Variants in ALK observed in about 807,000 individuals in gnomAD.
ALK encodes the protein ALK receptor tyrosine kinase.
Under a neutral mutation model 163.1 loss-of-function variants are expected in ALK, and 74 were observed. The ratio of observed to expected loss-of-function variants is 0.45; its 90% CI spans 0.38 to 0.55. The LOEUF (loss-of-function observed/expected upper bound fraction) is 0.55, where lower values mean the gene tolerates loss of function less well. ALK is among the 20% of genes least tolerant of loss of function. ALK has a pLI of 0.00. For synonymous variants in ALK, 960 were observed against 843.2 expected, an observed-to-expected ratio of 1.14 and a Z score of -2.40; for missense variants, 2,063 against 2,105.3, an observed-to-expected ratio of 0.98 and a Z score of 0.39.
chr2:29,675,949 C>A (rs975116192), intron 3 of ALK, among the ~76,000 whole-genome samples: 2 of 152,018 alleles, frequency 1.3e-5, no homozygotes, highest in Non-Finnish European at 1.5e-5. Flanking sequence ...TGGTCTTGAA[C>A]TTCTGGCATG....
intron 4 of ALK, among the ~76,000 whole-genome samples, chr2:29,460,393 C>T (rs949481041): frequency 3.9e-5 from 6 of 152,214 alleles, no homozygotes; most frequent in East Asian, 3.9e-4. Flanking sequence ...CATGCAGGCA[C>T]GCCTTGTTTT....
chr2:29,371,387 C>T (rs1240851447), intron 5 of ALK, among the ~76,000 whole-genome samples: 1 of 152,250 alleles, frequency 6.6e-6, no homozygotes. Context: ...CTGCACAAAG[C>T]CCTTCACTCT....
chr2:29,555,319 C>A (rs1452267987), intron 3 of ALK, among the ~76,000 whole-genome samples: 2 of 152,126 alleles, frequency 1.3e-5, no homozygotes, highest in Non-Finnish European at 2.9e-5. Context: ...TATCATCTTA[C>A]CATTGGCCCA....
intron 3 of ALK, among the ~76,000 whole-genome samples, chr2:29,654,969 G>A (rs2339533): frequency 0.11 from 16,457 of 152,054 alleles, 1,944 homozygotes; most frequent in African/African-American, 0.29. Flanking sequence ...GTCATTGTTC[G>A]CTTACTGTAG....
intron 4 of ALK, among the ~76,000 whole-genome samples, chr2:29,432,348 T>C (rs1395600732): frequency 6.6e-6 from 1 of 152,114 alleles, no homozygotes; most frequent in Non-Finnish European, 1.5e-5. Context: ...TTCCCATTGC[T>C]CTCTCCCTTG....
At chr2:29,269,558 G>A (rs920939277) in intron 11 of ALK, among the ~76,000 whole-genome samples, 12 of 152,172 alleles carry the variant, frequency 7.9e-5, no homozygotes, top group Admixed American at 4.6e-4. Context: ...TTGGGAGGGC[G>A]CCGAACGTGC....
At chr2:29,505,829 T>C (rs987665287) in intron 4 of ALK, among the ~76,000 whole-genome samples, 1 of 150,412 alleles carries the variant, frequency 6.6e-6, no homozygotes, top group Non-Finnish European at 1.5e-5. Context: ...AAAGTCAGTT[T>C]GGTTTGGTTC....
intron 1 of ALK, among the ~76,000 whole-genome samples, chr2:29,829,914 A>C (rs2148385580): frequency 6.6e-6 from 1 of 152,326 alleles, no homozygotes; most frequent in South Asian, 2.1e-4. Context: ...GGAGCACAGA[A>C]GCTGTCAGCC....
At chr2:29,510,185 C>T (rs1039679575) in intron 4 of ALK, among the ~76,000 whole-genome samples, 1 of 152,146 alleles carries the variant, frequency 6.6e-6, no homozygotes. Context: ...TTCTTTCATC[C>T]CACCCAGGCA....
At chr2:29,452,342 T>G (rs56370425) in intron 4 of ALK, among the ~76,000 whole-genome samples, 13 of 92,802 alleles carry the variant, frequency 1.4e-4, no homozygotes, top group South Asian at 3.6e-4. Flanking sequence ...GTTTTTTTTT[T>G]TTTTTTTTTC....
At chr2:29,568,901 G>A (rs1019188058) in intron 3 of ALK, among the ~76,000 whole-genome samples, 2 of 152,170 alleles carry the variant, frequency 1.3e-5, no homozygotes, top group African/African-American at 2.4e-5. Flanking sequence ...CCTTGTGTAT[G>A]GTCTGTAGGA....
intron 1 of ALK, among the ~76,000 whole-genome samples, chr2:29,783,136 T>A (rs192544318): frequency 5.9e-5 from 9 of 152,366 alleles, no homozygotes; most frequent in African/African-American, 1.4e-4. Context: ...CGCTTTTTCC[T>A]ACTTTTGTCT....
At chr2:29,816,435 T>C (rs1572402446) in intron 1 of ALK, among the ~76,000 whole-genome samples, 2 of 151,968 alleles carry the variant, frequency 1.3e-5, no homozygotes, top group South Asian at 4.2e-4. Flanking sequence ...ATAGACCTTA[T>C]TATTATTATT....
At chr2:29,306,519 C>T (rs1666512922) in intron 8 of ALK, among the ~76,000 whole-genome samples, 1 of 152,208 alleles carries the variant, frequency 6.6e-6, no homozygotes, top group Admixed American at 6.5e-5. Context: ...TCAGGGCCTG[C>T]CCCAGCTCTT....
intron 3 of ALK, among the ~76,000 whole-genome samples, chr2:29,645,176 A>G (rs1676836279): frequency 6.6e-6 from 1 of 152,144 alleles, no homozygotes; most frequent in African/African-American, 2.4e-5. Flanking sequence ...ATCTATGAGA[A>G]AGGTGGAGTT....
At chr2:29,216,338 C>A (rs1445273596) in intron 23 of ALK, among the ~76,000 whole-genome samples, 1 of 151,694 alleles carries the variant, frequency 6.6e-6, no homozygotes, top group Admixed American at 6.6e-5. Context: ...AGGCCCTGGC[C>A]CTAGCTGTGC....
intron 1 of ALK, among the ~76,000 whole-genome samples, chr2:29,775,974 G>T (rs1383660427): frequency 6.6e-6 from 1 of 152,164 alleles, no homozygotes; most frequent in Non-Finnish European, 1.5e-5. Context: ...GTATACTAGG[G>T]TAACATCTGG....
chr2:29,668,111 T>A (rs1173451562), intron 3 of ALK, among the ~76,000 whole-genome samples: 2 of 152,100 alleles, frequency 1.3e-5, no homozygotes, highest in Non-Finnish European at 2.9e-5. Context: ...TTCTTTGTAT[T>A]TCTGAGGTAT....
At chr2:29,614,345 C>T (rs1675780827) in intron 3 of ALK, among the ~76,000 whole-genome samples, 1 of 152,206 alleles carries the variant, frequency 6.6e-6, no homozygotes, top group South Asian at 2.1e-4. Flanking sequence ...ATCCTCACAT[C>T]ACTACTGAAA....
Sources: allele counts gnomAD v4.1 joint callset (sites outside exome capture counted in the v4.1 genomes callset), GRCh38; gene constraint gnomAD v4.1.1; transcripts MANE v1.5; gene names NCBI Gene and HGNC (gene_info 2026-07-23, HGNC 2026-07-21).